ENPEP: variants seen among roughly 807,000 people sequenced by gnomAD.
ENPEP encodes glutamyl aminopeptidase.
In ENPEP, 103 loss-of-function variants were observed where a neutral mutation model predicts 114.5. That is an observed-to-expected ratio of 0.90 (90% CI 0.77 to 1.06). The LOEUF is 1.06. ENPEP is among the 50% of genes least tolerant of loss of function. The pLI is 0.00. For synonymous variants in ENPEP, 420 were observed against 422.0 expected (o/e 1.00, Z 0.06); for missense variants, 1,196 against 1,161.3 (o/e 1.03, Z -0.43).
At chr4:110,548,427 T>C (rs1727162693) in intron 14 of ENPEP, 101 bp downstream of exon 14, 1 of 1,000,488 alleles carries the variant, frequency 1.0e-6, no homozygotes, top group Non-Finnish European at 1.4e-6. Context: ...TAAACCATGT[T>C]TGCTTGCCAG....
At chr4:110,534,103 C>T (rs1026452490) in intron 11 of ENPEP, among the ~76,000 whole-genome samples, 8 of 152,174 alleles carry the variant, frequency 5.3e-5, no homozygotes, top group Non-Finnish European at 1.0e-4. Flanking sequence ...GCACGGATGA[C>T]GAACATGTCC....
chr4:110,559,362 C>T (rs567837766), intron 18 of ENPEP, among the ~76,000 whole-genome samples: 6 of 150,966 alleles, frequency 4.0e-5, no homozygotes, highest in Admixed American at 2.6e-4. Context: ...TCTAGCAGGG[C>T]GCTCATGTGT....
intron 7 of ENPEP, 82 bp downstream of exon 7, chr4:110,513,631 G>A: frequency 1.9e-6 from 3 of 1,543,912 alleles, no homozygotes; most frequent in Non-Finnish European, 2.6e-6. Context: ...TGGTAAGAAT[G>A]GTCACACTGT....
Position 110,565,162 on chromosome 4 carries a change from A to G in ENPEP, c.*3604A>G, listed in dbSNP as rs558375493. The G allele has an allele frequency of 6.6e-6, 1 of 152,220 alleles. No individual in the cohort carries two copies. Among genetic ancestry groups the G allele is most frequent in the Non-Finnish European group, 1.5e-5 (1 of 68,036 alleles). The allele number at this position is 152,220 out of a possible 1,614,324, so 9.4% of individuals were successfully genotyped here. On this transcript the variant is annotated 3_prime_UTR_variant, in exon 20 of 20. Transcript: ENST00000265162. ...CCTGTTTTTGTAAGGCCTGAAAGCT[A>G]AACATAGTTTTACATTTTTAGATGG...
chr4:110,515,331 T>G, intron 7 of ENPEP, 46 bp from the exon 8 acceptor site: 2 of 1,483,618 alleles, frequency 1.3e-6, no homozygotes, highest in South Asian at 2.3e-5. Context: ...CATTGTTCCT[T>G]ACATAGCCTT....
At chr4:110,506,106 A>T (rs1725359539) in intron 3 of ENPEP, 2 of 152,254 alleles carry the variant, frequency 1.3e-5, no homozygotes, top group Non-Finnish European at 2.9e-5. Flanking sequence ...AAATAACTAG[A>T]TAGAAAAGCA....
At chr4:110,532,137 A>G (rs1446789633) in intron 11 of ENPEP, among the ~76,000 whole-genome samples, 1 of 152,192 alleles carries the variant, frequency 6.6e-6, no homozygotes, top group Non-Finnish European at 1.5e-5. Flanking sequence ...TTACTGAGAT[A>G]TAATTCACAT....
At chr4:110,512,189 T>C (rs1293949425) in intron 6 of ENPEP, among the ~76,000 whole-genome samples, 2 of 152,232 alleles carry the variant, frequency 1.3e-5, no homozygotes, top group Non-Finnish European at 2.9e-5. Context: ...TAGATAAAGA[T>C]ATTTTATAAG....
intron 10 of ENPEP, among the ~76,000 whole-genome samples, chr4:110,527,691 T>C (rs1726248877): frequency 6.6e-6 from 1 of 152,220 alleles, no homozygotes; most frequent in African/African-American, 2.4e-5. Flanking sequence ...CTGTTTTGTG[T>C]TCTAGCAAAT....
chr4:110,552,882 T>G (rs1560571152), intron 17 of ENPEP, among the ~76,000 whole-genome samples: 1 of 152,106 alleles, frequency 6.6e-6, no homozygotes, highest in Non-Finnish European at 1.5e-5. Context: ...CTATAGAATA[T>G]AAGAGCATAG....
intron 10 of ENPEP, among the ~76,000 whole-genome samples, chr4:110,521,325 G>T (rs987051872): frequency 6.6e-6 from 1 of 151,960 alleles, no homozygotes; most frequent in Non-Finnish European, 1.5e-5. Context: ...GCTTCAGTGA[G>T]CCATGATCAC....
rs774547085 is a variant in ENPEP, at chr4:110,553,319, T to A, written c.2506T>A (p.Leu836Met). ...VKNVTLLSRY[L>M]DLLKDTNLIK... Reference sequence around the variant, plus strand: ...TTTCTGTTTGGCTTCTCTTAGGTATTTGGATTTGCTCAAGGACACGAACCT... The same window carrying A: ...TTTCTGTTTGGCTTCTCTTAGGTATATGGATTTGCTCAAGGACACGAACCT... Residue 836 changes from leucine (L) to methionine (M), a missense_variant, in exon 18 of 20, where the codon TTG becomes ATG. Leu to Met is a conservative substitution (Grantham distance 15). Transcript: ENST00000265162. 5.1e-6 allele frequency: 8 copies of A among 1,583,246 alleles called. No individual in the cohort carries two copies. Among genetic ancestry groups the A allele is most frequent in the Non-Finnish European group, 6.9e-6 (8 of 1,160,208 alleles).
chr4:110,508,511 C>T (rs975899387), intron 4 of ENPEP, among the ~76,000 whole-genome samples: 1 of 152,152 alleles, frequency 6.6e-6, no homozygotes, highest in Non-Finnish European at 1.5e-5. Context: ...TTATAAAAAG[C>T]TCTAAGAATA....
rs1338457502 is a variant in ENPEP, at chr4:110,476,950, C to T, written c.536C>T (p.Pro179Leu). 3 of 1,614,170 alleles carry T rather than the reference C, an allele frequency of 1.9e-6. No individual in the cohort carries two copies. Among genetic ancestry groups the T allele is most frequent in the Non-Finnish European group, 2.5e-6 (3 of 1,180,026 alleles). ...VVVEAEEELT[P>L]SSGDGLYLLT... ...GTCGAGGCGGAGGAAGAGCTTACCC[C>T]CAGCAGTGGAGATGGCCTGTATCTC... Residue 179 changes from proline to leucine, a missense_variant, in exon 1 of 20, where the codon CCC becomes CTC. Physicochemically the swap from Pro to Leu is moderately conservative, Grantham distance 98. Coordinates refer to ENST00000265162, the MANE Select transcript of ENPEP (RefSeq NM_001977.4).
At chr4:110,520,097 A>G (rs768073032) in intron 9 of ENPEP, 24 bp downstream of exon 9, 2 of 1,610,570 alleles carry the variant, frequency 1.2e-6, no homozygotes, top group Non-Finnish European at 1.7e-6. Flanking sequence ...TATGTCCCCA[A>G]ATATTTCTTT....
chr4:110,518,777 T>C (rs1178130503), intron 8 of ENPEP, among the ~76,000 whole-genome samples: 4 of 152,188 alleles, frequency 2.6e-5, no homozygotes, highest in Non-Finnish European at 4.4e-5. Flanking sequence ...GTGGGAGCTT[T>C]ATTAAATAAT....
chr4:110,504,186 C>A (rs184501029), intron 3 of ENPEP, among the ~76,000 whole-genome samples: 104 of 152,318 alleles, frequency 6.8e-4, no homozygotes, highest in Non-Finnish European at 1.2e-3. Flanking sequence ...AAATGCAGAG[C>A]CACTACCAAT....
At chr4:110,483,216 G>T (rs1462563195) in intron 1 of ENPEP, among the ~76,000 whole-genome samples, 1 of 152,004 alleles carries the variant, frequency 6.6e-6, no homozygotes, top group African/African-American at 2.4e-5. Context: ...ATAGAGGTCT[G>T]AACAATCTAG....
rs144119817 is a variant in ENPEP, at chr4:110,529,223, T to C, written c.1728-1975T>C. Among the ~76,000 whole-genome samples, 824 of 152,250 alleles carry C rather than the reference T, an allele frequency of 5.4e-3. 5 individuals carry two copies. The highest frequency in any genetic ancestry group is 0.019 in the African/African-American group (773 of 41,536). On this transcript the variant is annotated intron_variant, in intron 10 of 19. Transcript: ENST00000265162. ...TGCCTGCTCTGTTGTTTCAGTCAGA[T>C]TGGCATTGGGGAAAGAAGAGGAAGC... is the stretch of plus-strand genomic sequence containing the variant.
Sources: gnomAD v4.1 joint callset for allele counts (sites outside exome capture counted in the v4.1 genomes callset) on GRCh38, gnomAD v4.1.1 for gene constraint, MANE v1.5 for transcripts, NCBI Gene and HGNC (gene_info 2026-07-23, HGNC 2026-07-21) for gene names.